Variants in NSD1 observed in about 807,000 individuals in gnomAD.
NSD1 encodes the protein histone-lysine N-methyltransferase, H3 lysine-36 specific.
NSD1 carries 26 observed loss-of-function variants against 242.7 expected under a neutral mutation model. The ratio of observed to expected loss-of-function variants is 0.11; its 90% CI spans 0.08 to 0.15. NSD1 has a LOEUF of 0.15. NSD1 is among the 10% of genes least tolerant of loss of function. The pLI is 1.00. For synonymous variants in NSD1, 1,106 were observed against 1,178.1 expected (o/e 0.94, Z 1.25); for missense variants, 2,495 against 3,272.8 (o/e 0.76, Z 5.80).
intron 2 of NSD1, among the ~76,000 whole-genome samples, chr5:177,185,696 A>T (rs1761056765): frequency 8.6e-6 from 1 of 116,514 alleles, no homozygotes; most frequent in Non-Finnish European, 1.6e-5. Flanking sequence ...TTTGTTTTTT[A>T]TTATAATATA....
At chr5:177,292,782 T>C (rs1252446435) in intron 22 of NSD1, among the ~76,000 whole-genome samples, 1 of 152,050 alleles carries the variant, frequency 6.6e-6, no homozygotes, top group African/African-American at 2.4e-5. Context: ...GTTGAAGAAA[T>C]TGAGAACCTT....
Position 177,135,127 on chromosome 5 carries a change from C to T in NSD1, c.24C>T (p.Pro8=). ...GGATGGATCAGACCTGTGAACTACC[C>T]AGAAGAAATTGTCTGCTGCCCTTTT... MDQTCEL[P]RRNCLLPFSN... Residue 8 remains proline (P), a synonymous_variant, in exon 2 of 23, where the codon CCC becomes CCT. Transcript: ENST00000439151. 6.2e-7 allele frequency: 1 copy of T among 1,614,156 alleles called. No individual in the cohort carries two copies. The highest frequency in any genetic ancestry group is 8.5e-7 in the Non-Finnish European group (1 of 1,180,036).
chr5:177,267,228 A>G (rs1021848625), intron 14 of NSD1, among the ~76,000 whole-genome samples: 1 of 152,218 alleles, frequency 6.6e-6, no homozygotes, highest in African/African-American at 2.4e-5. Context: ...GTCAGACGCT[A>G]CTAGGTAATT....
At chr5:177,156,174 A>ATTTTTTTTTTTTTTTTTTTT in intron 2 of NSD1, among the ~76,000 whole-genome samples, 1 of 78,008 alleles carries the variant, frequency 1.3e-5, no homozygotes, top group Non-Finnish European at 2.3e-5. Context: ...CTCTTTTCAG[A>ATTTTTTTTTTTTTTTTTTTT]TTTTTTTTTT....
chr5:177,183,344 G>C (rs139753859), intron 2 of NSD1, among the ~76,000 whole-genome samples: 51 of 152,254 alleles, frequency 3.3e-4, no homozygotes, highest in African/African-American at 1.2e-3. Flanking sequence ...TTGCATTGTT[G>C]TGGTAGTCTT....
chr5:177,218,628 C>T (rs756812657), intron 5 of NSD1, among the ~76,000 whole-genome samples: 10 of 150,574 alleles, frequency 6.6e-5, no homozygotes, highest in African/African-American at 2.4e-4. Context: ...CGTGCCGTGG[C>T]GCAATCTCGG....
chr5:177,219,036 TCTTTC>T (rs752963930), intron 5 of NSD1, among the ~76,000 whole-genome samples: 48 of 152,298 alleles, frequency 3.2e-4, no homozygotes, highest in South Asian at 1.2e-3. Context: ...AGTCTTTGTT[TCTTTC>T]CTTCTACCAA....
At chr5:177,258,880 C>T (rs545524359) in intron 13 of NSD1, among the ~76,000 whole-genome samples, 2 of 152,078 alleles carry the variant, frequency 1.3e-5, no homozygotes, top group African/African-American at 2.4e-5. Context: ...CAGGAGGTCT[C>T]GCTCTGTTGC....
chr5:177,148,888 G>A (rs1447497193), intron 2 of NSD1, among the ~76,000 whole-genome samples: 4 of 152,128 alleles, frequency 2.6e-5, no homozygotes, highest in Non-Finnish European at 5.9e-5. Flanking sequence ...GCACGATCTC[G>A]GCTCACTGCA....
intron 2 of NSD1, among the ~76,000 whole-genome samples, chr5:177,181,731 G>T (rs181061808): frequency 1.3e-5 from 2 of 151,456 alleles, no homozygotes; most frequent in Non-Finnish European, 2.9e-5. Flanking sequence ...TGGCTGCATT[G>T]TGGTCTTACT....
Position 177,299,949 on chromosome 5 carries a change from C to T in NSD1, c.*4490C>T, listed in dbSNP as rs1197390797. ...AGCACACAGCAGCTCATGGCAGAGC[C>T]GCCTCCTAGGTCTTGGCAAAGAGGC... On this transcript the variant is annotated 3_prime_UTR_variant, in exon 23 of 23. Coordinates refer to ENST00000439151, the MANE Select transcript of NSD1 (RefSeq NM_022455.5). The T allele has an allele frequency of 2.1e-5, 5 of 232,880 alleles. No homozygotes were observed. The highest frequency in any genetic ancestry group is 1.8e-4 in the South Asian group (1 of 5,512). 14.4% of individuals were successfully genotyped at this position (232,880 alleles called of 1,614,324 possible).
intron 21 of NSD1, among the ~76,000 whole-genome samples, chr5:177,291,638 G>A (rs527937813): frequency 6.6e-6 from 1 of 152,276 alleles, no homozygotes; most frequent in Non-Finnish European, 1.5e-5. Context: ...GGGCAACACA[G>A]CAAGACTCCG....
At chr5:177,189,580 C>A (rs1761506418) in intron 2 of NSD1, among the ~76,000 whole-genome samples, 1 of 152,076 alleles carries the variant, frequency 6.6e-6, no homozygotes, top group South Asian at 2.1e-4. Flanking sequence ...AGTTGTATCT[C>A]CCCAGGTTTG....
At chr5:177,175,280 AATTT>A (rs1382749223) in intron 2 of NSD1, among the ~76,000 whole-genome samples, 1 of 152,096 alleles carries the variant, frequency 6.6e-6, no homozygotes, top group Non-Finnish European at 1.5e-5. Flanking sequence ...AATTTTCCGT[AATTT>A]ATTTCGGCAG....
chr5:177,267,479 AT>A (rs1757587473), intron 14 of NSD1, 82 bp from the exon 15 acceptor site: 6 of 1,025,020 alleles, frequency 5.9e-6, no homozygotes, highest in African/African-American at 1.6e-5. Context: ...GAGAAAGAAA[AT>A]ATATATATAT....
intron 2 of NSD1, among the ~76,000 whole-genome samples, chr5:177,183,907 G>A (rs1304654205): frequency 1.3e-5 from 2 of 152,072 alleles, no homozygotes; most frequent in East Asian, 3.8e-4. Context: ...TTCTGTGCCT[G>A]ACTTATTTCA....
At chr5:177,220,264 T>C (rs1163727606) in intron 5 of NSD1, among the ~76,000 whole-genome samples, 2 of 152,206 alleles carry the variant, frequency 1.3e-5, no homozygotes, top group Non-Finnish European at 2.9e-5. Context: ...TCCTGATGAA[T>C]TGACTGTTTT....
In NSD1 at chr5:177,136,846, A is replaced by C. The variant is rs1445981940; in HGVS notation, c.927+816A>C. ...ATTTTAACAGAACCCTAACTAAGAC[A>C]AAGTTTTATATTTATTTATTGTTTA... On this transcript the variant is annotated intron_variant, in intron 2 of 22. Transcript: ENST00000439151. The C allele has an allele frequency of 2.8e-5, 18 of 649,578 alleles. No individual in the cohort carries two copies. In the East Asian group the frequency reaches 4.9e-4, roughly 18 times the overall value. 40.2% of individuals were successfully genotyped at this position (649,578 alleles called of 1,614,324 possible). A position where few individuals can be genotyped will look rare whatever the true frequency, so the allele number is the denominator to read the frequency against.
At chr5:177,266,354 T>C in intron 14 of NSD1, 1 of 700,354 alleles carries the variant, frequency 1.4e-6, no homozygotes, top group Non-Finnish European at 2.7e-6. Flanking sequence ...GCCGATGACC[T>C]TGCGGGCCCG....
Sources: gnomAD v4.1 joint callset for allele counts (sites outside exome capture counted in the v4.1 genomes callset) on GRCh38, gnomAD v4.1.1 for gene constraint, MANE v1.5 for transcripts, NCBI Gene and HGNC (gene_info 2026-07-23, HGNC 2026-07-21) for gene names.